Variants in IL1RAPL2 observed in about 807,000 individuals in gnomAD.
IL1RAPL2 encodes interleukin 1 receptor accessory protein like 2.
In IL1RAPL2, 3 loss-of-function variants were observed where a neutral mutation model predicts 44.1. That is an observed-to-expected ratio of 0.07 (90% confidence interval 0.03 to 0.18). The LOEUF is 0.18. Among genes scored for constraint, IL1RAPL2 ranks in the 10% least tolerant of loss-of-function variants. The pLI is 1.00. For missense variants in IL1RAPL2, 391 were observed against 496.4 expected, an observed-to-expected ratio of 0.79 and a Z score of 2.02; for synonymous variants, 181 against 178.8, an observed-to-expected ratio of 1.01 and a Z score of -0.10.
intron 6 of IL1RAPL2, among the ~76,000 whole-genome samples, chrX:105,549,653 G>A (rs1453157321): frequency 9.0e-6 from 1 of 111,404 alleles, no homozygotes; most frequent in Non-Finnish European, 1.9e-5. Context: ...CTCCATATGT[G>A]GTTTATCTGC....
chrX:104,949,877 G>GA (rs1925520653), intron 2 of IL1RAPL2, among the ~76,000 whole-genome samples: 1 of 111,294 alleles, frequency 9.0e-6, no homozygotes, highest in South Asian at 3.9e-4. Flanking sequence ...GTGTGGTGCT[G>GA]AAAAAAATGT....
At chrX:105,326,734 A>G (rs1324078614) in intron 5 of IL1RAPL2, among the ~76,000 whole-genome samples, 1 of 111,647 alleles carries the variant, frequency 9.0e-6, no homozygotes, top group Non-Finnish European at 1.9e-5. Context: ...ATTGATCTAT[A>G]CGTCTATCCT....
chrX:105,220,646 GC>G, intron 3 of IL1RAPL2: 2 of 305,495 alleles, frequency 6.5e-6, no homozygotes, highest in East Asian at 9.2e-5. Context: ...GTCTTAACAC[GC>G]CCGAAGAGAG....
At chrX:105,031,523 T>A (rs936108496) in intron 2 of IL1RAPL2, among the ~76,000 whole-genome samples, 13 of 112,214 alleles carry the variant, frequency 1.2e-4, no homozygotes, top group Non-Finnish European at 2.4e-4. Flanking sequence ...TGTCTTTGGT[T>A]ATCTTTATAT....
intron 6 of IL1RAPL2, among the ~76,000 whole-genome samples, chrX:105,716,537 G>C (rs1190081285): frequency 9.0e-6 from 1 of 111,590 alleles, no homozygotes; most frequent in Non-Finnish European, 1.9e-5. Flanking sequence ...TACTCACACT[G>C]AAGTGGATCT....
intron 6 of IL1RAPL2, among the ~76,000 whole-genome samples, chrX:105,686,380 CAAAAAAAAA>C (rs1177667576): frequency 3.6e-4 from 9 of 25,163 alleles, no homozygotes; most frequent in South Asian, 0.015. Context: ...AAATGGAAAG[CAAAAAAAAA>C]AAAAAAAAAA....
chrX:105,058,366 G>A (rs893306931), intron 2 of IL1RAPL2, among the ~76,000 whole-genome samples: 29 of 112,045 alleles, frequency 2.6e-4, no homozygotes, highest in Non-Finnish European at 4.9e-4. Context: ...GATTACAGGC[G>A]TGAGCCACTG....
rs768617347 is a variant in IL1RAPL2, at chrX:104,847,440, T to G, written c.82+188445T>G. ...AGCCAGTTTTCCCAGCACCATTTGT[T>G]AAATAGGGAATCCTTTCCCCATTTC... On this transcript the variant is annotated intron_variant, in intron 2 of 10. Transcript: ENST00000372582. Among the ~76,000 whole-genome samples, 14 of 111,938 alleles carry G rather than the reference T, an allele frequency of 1.3e-4. No homozygotes were observed. In the South Asian group the frequency reaches 5.3e-3, roughly 42 times the overall value.
chrX:105,053,871 G>A (rs1014341741), intron 2 of IL1RAPL2, among the ~76,000 whole-genome samples: 5 of 111,658 alleles, frequency 4.5e-5, no homozygotes, highest in African/African-American at 1.6e-4. Flanking sequence ...ATGGTGGTGT[G>A]CACCTGTAGT....
intron 4 of IL1RAPL2, among the ~76,000 whole-genome samples, chrX:105,265,957 A>G (rs2034398897): frequency 9.0e-6 from 1 of 111,577 alleles, no homozygotes; most frequent in South Asian, 3.8e-4. Context: ...TGGGGAAAGT[A>G]AAAAGTGCTC....
Position 105,460,882 on chromosome X carries a change from C to T in IL1RAPL2, c.698-23431C>T, listed in dbSNP as rs191312875. ...AACAACAGACAATGATTCACTCATT[C>T]ACCCAGGATAAAGCCATGTCTGTGT... On this transcript the variant is annotated intron_variant, in intron 5 of 10. Transcript: ENST00000372582. Among the ~76,000 whole-genome samples the T allele has an allele frequency of 9.9e-4, 111 of 111,560 alleles. 1 individual carries two copies. The highest frequency in any genetic ancestry group is 3.5e-3 in the African/African-American group (107 of 30,792).
At chrX:104,756,209 GTGTGTT>G (rs1212012746) in intron 2 of IL1RAPL2, among the ~76,000 whole-genome samples, 63 of 111,493 alleles carry the variant, frequency 5.7e-4, no homozygotes, top group Middle Eastern at 4.6e-3. Context: ...ATTTACTTGT[GTGTGTT>G]TGTATTGGGA....
chrX:105,080,865 C>T (rs900406549), intron 2 of IL1RAPL2, among the ~76,000 whole-genome samples: 1 of 111,705 alleles, frequency 9.0e-6, no homozygotes, highest in African/African-American at 3.3e-5. Context: ...AATGTTTTCC[C>T]ATTTGTTTGT....
chrX:104,847,135 C>T, intron 2 of IL1RAPL2, among the ~76,000 whole-genome samples: 1 of 111,716 alleles, frequency 9.0e-6, no homozygotes, highest in Non-Finnish European at 1.9e-5. Flanking sequence ...TTCTCCCATT[C>T]TGTAGGTTGC....
chrX:105,125,663 A>G (rs896757671), intron 2 of IL1RAPL2, among the ~76,000 whole-genome samples: 2 of 111,206 alleles, frequency 1.8e-5, no homozygotes, highest in African/African-American at 6.5e-5. Flanking sequence ...ACCCTTGAAC[A>G]ATGTGGGTTT....
chrX:104,733,917 T>C (rs1225836092), intron 2 of IL1RAPL2, among the ~76,000 whole-genome samples: 2 of 110,270 alleles, frequency 1.8e-5, no homozygotes, highest in Non-Finnish European at 3.8e-5. Flanking sequence ...CCAAAATATA[T>C]AAAGAATTCT....
intron 6 of IL1RAPL2, among the ~76,000 whole-genome samples, chrX:105,609,491 A>G (rs1052144942): frequency 1.3e-4 from 15 of 111,726 alleles, no homozygotes; most frequent in African/African-American, 4.2e-4. Flanking sequence ...TATTTTCCTC[A>G]TAGAAAAATA....
intron 5 of IL1RAPL2, among the ~76,000 whole-genome samples, chrX:105,403,932 A>G (rs1212327702): frequency 1.8e-5 from 2 of 111,904 alleles, no homozygotes. Context: ...TTTCTTTAGG[A>G]AACAAAAATG....
intron 7 of IL1RAPL2, among the ~76,000 whole-genome samples, chrX:105,737,804 G>T (rs2038462569): frequency 9.0e-6 from 1 of 111,647 alleles, no homozygotes; most frequent in South Asian, 3.7e-4. Flanking sequence ...GAGAAAAACA[G>T]CAAAAGTCAA....
Sources: allele counts gnomAD v4.1 joint callset (sites outside exome capture counted in the v4.1 genomes callset), GRCh38; gene constraint gnomAD v4.1.1; transcripts MANE v1.5; gene names NCBI Gene and HGNC (gene_info 2026-07-23, HGNC 2026-07-21).